Variants in MAGI2 observed in about 807,000 individuals in gnomAD.
MAGI2 encodes membrane associated guanylate kinase, WW and PDZ domain containing 2.
A neutral mutation model predicts 133.3 loss-of-function variants in MAGI2; 35 were observed. That is an observed-to-expected ratio of 0.26 (90% confidence interval 0.20 to 0.35). The LOEUF (loss-of-function observed/expected upper bound fraction) is 0.35. MAGI2 is among the 10% of genes least tolerant of loss of function. MAGI2 has a pLI of 1.00. For missense variants in MAGI2, 1,636 were observed against 1,863.4 expected, an observed-to-expected ratio of 0.88 and a Z score of 2.25; for synonymous variants, 729 against 710.6, an observed-to-expected ratio of 1.03 and a Z score of -0.41.
At chr7:78,991,454 A>T (rs545630471) in intron 2 of MAGI2, among the ~76,000 whole-genome samples, 1 of 152,098 alleles carries the variant, frequency 6.6e-6, no homozygotes, top group South Asian at 2.1e-4. Flanking sequence ...TTAAATATAC[A>T]TTATAACATA....
intron 2 of MAGI2, among the ~76,000 whole-genome samples, chr7:78,810,011 A>T (rs776084251): frequency 6.6e-6 from 1 of 152,194 alleles, no homozygotes; most frequent in Non-Finnish European, 1.5e-5. Flanking sequence ...ATTACTAAAA[A>T]AATATAATTA....
At chr7:78,677,363 A>T (rs1554523690) in intron 2 of MAGI2, among the ~76,000 whole-genome samples, 1 of 151,596 alleles carries the variant, frequency 6.6e-6, no homozygotes, top group Non-Finnish European at 1.5e-5. Flanking sequence ...ATTTTATAGT[A>T]ACATAATTTA....
intron 1 of MAGI2, among the ~76,000 whole-genome samples, chr7:79,198,470 G>C (rs944045813): frequency 6.6e-6 from 1 of 151,780 alleles, no homozygotes; most frequent in Non-Finnish European, 1.5e-5. Flanking sequence ...TCATTTGCTT[G>C]TCACCTTGGC....
intron 3 of MAGI2, among the ~76,000 whole-genome samples, chr7:78,612,048 T>C (rs1476710096): frequency 6.6e-6 from 1 of 152,216 alleles, no homozygotes; most frequent in East Asian, 1.9e-4. Flanking sequence ...CCTTCATTTA[T>C]TATTAGATAT....
chr7:78,720,887 T>G (rs528511704), intron 2 of MAGI2, among the ~76,000 whole-genome samples: 87 of 152,256 alleles, frequency 5.7e-4, no homozygotes, highest in African/African-American at 2.0e-3. Context: ...GCAAGTGTGA[T>G]GAATGGATCA....
In MAGI2 at chr7:78,160,131, G is replaced by A. The variant is rs922646293; in HGVS notation, c.2739C>T (p.Ser913=). The A allele has an allele frequency of 6.2e-7, 1 of 1,611,994 alleles. No individual in the cohort carries two copies. The highest frequency in any genetic ancestry group is 1.3e-5 in the African/African-American group (1 of 74,934). ...SNASPPEGFA[S]HSLQTSDVVI... ...CCACATCACTGGTCTGCAGGCTGTG[G>A]GAGGCGAAGCCTTCAGGGGGAGAGG... The change falls in exon 16 of 22, where the codon TCC becomes TCT. Residue 913 remains serine, a synonymous_variant. Transcript: ENST00000354212.
chr7:78,955,941 CT>C (rs529960629), intron 2 of MAGI2, among the ~76,000 whole-genome samples: 11 of 150,450 alleles, frequency 7.3e-5, no homozygotes, highest in South Asian at 2.1e-4. Flanking sequence ...CCAAAGATGC[CT>C]TTTTTTTTGT....
chr7:78,028,258 T>G (rs544697602), intron 21 of MAGI2, among the ~76,000 whole-genome samples: 19 of 152,350 alleles, frequency 1.2e-4, no homozygotes, highest in African/African-American at 4.6e-4. Context: ...TGTATTTGTT[T>G]CACTTATATT....
intron 6 of MAGI2, among the ~76,000 whole-genome samples, chr7:78,397,145 T>C (rs2215378): frequency 0.54 from 81,176 of 151,532 alleles, 22,784 homozygotes; most frequent in Middle Eastern, 0.64. Context: ...TAATGCTCTT[T>C]GGTGGTAAAA....
intron 1 of MAGI2, among the ~76,000 whole-genome samples, chr7:79,028,336 T>TAC (rs748319312): frequency 0.014 from 1,766 of 124,450 alleles, 73 homozygotes; most frequent in African/African-American, 0.047. Context: ...TACATATATA[T>TAC]ACACACACAC....
At chr7:78,100,937 A>G (rs531562053) in intron 20 of MAGI2, among the ~76,000 whole-genome samples, 37 of 151,954 alleles carry the variant, frequency 2.4e-4, no homozygotes, top group African/African-American at 8.2e-4. Flanking sequence ...AAATTTTTAA[A>G]AATTCCATTT....
chr7:78,274,086 G>T (rs1379250235), intron 9 of MAGI2, among the ~76,000 whole-genome samples: 1 of 152,102 alleles, frequency 6.6e-6, no homozygotes, highest in African/African-American at 2.4e-5. Context: ...TCTACCTTTG[G>T]TCCTTGATGT....
At chr7:79,121,203 G>A (rs549284180) in intron 1 of MAGI2, among the ~76,000 whole-genome samples, 7 of 152,130 alleles carry the variant, frequency 4.6e-5, no homozygotes, top group African/African-American at 1.4e-4. Context: ...ACTTATACAA[G>A]TTATCAATGA....
chr7:78,626,950 C>T (rs1336913583), intron 3 of MAGI2, among the ~76,000 whole-genome samples, 170 bp downstream of exon 3: 1 of 151,282 alleles, frequency 6.6e-6, no homozygotes, highest in Non-Finnish European at 1.5e-5. Context: ...ATTAAAAGTA[C>T]ACTTAATTGA....
chr7:78,505,973 C>G (rs1053755571), intron 4 of MAGI2, among the ~76,000 whole-genome samples: 1 of 146,658 alleles, frequency 6.8e-6, no homozygotes, highest in East Asian at 2.0e-4. Context: ...AAGTGAGGCT[C>G]TATCAGGCAT....
chr7:79,411,904 A>C (rs1846168143), intron 1 of MAGI2: 1 of 152,002 alleles, frequency 6.6e-6, no homozygotes, highest in African/African-American at 2.4e-5. Flanking sequence ...ATTCAATTGA[A>C]ATTCAATTGA....
intron 13 of MAGI2, among the ~76,000 whole-genome samples, chr7:78,185,309 G>T (rs1827580014): frequency 6.6e-6 from 1 of 152,156 alleles, no homozygotes; most frequent in African/African-American, 2.4e-5. Context: ...GCCACATGTA[G>T]CTAGTGGCTA....
chr7:78,756,221 T>C (rs1376970976), intron 2 of MAGI2, among the ~76,000 whole-genome samples: 2 of 152,304 alleles, frequency 1.3e-5, no homozygotes, highest in Non-Finnish European at 2.9e-5. Context: ...ATCAGAGCTC[T>C]AGCCAGCCAA....
chr7:79,024,971 T>A (rs1253931793), intron 1 of MAGI2, among the ~76,000 whole-genome samples: 2 of 152,044 alleles, frequency 1.3e-5, no homozygotes, highest in Non-Finnish European at 2.9e-5. Context: ...TTAAAATAGA[T>A]CTACTATTTG....
Sources: allele counts gnomAD v4.1 joint callset (sites outside exome capture counted in the v4.1 genomes callset), GRCh38; gene constraint gnomAD v4.1.1; transcripts MANE v1.5; gene names NCBI Gene and HGNC (gene_info 2026-07-23, HGNC 2026-07-21).